GPC5: variants seen among roughly 807,000 people sequenced by gnomAD.
GPC5 encodes the protein glypican-5.
In GPC5, 47 loss-of-function variants were observed where a neutral mutation model predicts 53.9. That is an observed-to-expected ratio of 0.87 (90% CI 0.69 to 1.11). The LOEUF (loss-of-function observed/expected upper bound fraction) is 1.11. Ranked by LOEUF, GPC5 falls within the 50% of genes most tolerant of loss-of-function variation. GPC5 has a pLI of 0.00. For synonymous variants in GPC5, 286 were observed against 263.3 expected (o/e 1.09, Z -0.84); for missense variants, 748 against 713.1 (o/e 1.05, Z -0.56).
chr13:92,004,313 C>T (rs1014861597), intron 6 of GPC5, among the ~76,000 whole-genome samples: 2 of 150,618 alleles, frequency 1.3e-5, no homozygotes, highest in Non-Finnish European at 1.5e-5. Context: ...GATGTGGTGA[C>T]GTGCGCCTGT....
chr13:91,975,834 C>T (rs1014162376), intron 6 of GPC5, among the ~76,000 whole-genome samples: 8 of 152,070 alleles, frequency 5.3e-5, no homozygotes, highest in African/African-American at 7.2e-5. Context: ...ATGTTTATTG[C>T]GGCACTATTC....
At chr13:92,849,675 A>G (rs1036834697) in intron 7 of GPC5, among the ~76,000 whole-genome samples, 3 of 152,222 alleles carry the variant, frequency 2.0e-5, no homozygotes, top group Admixed American at 2.0e-4. Context: ...TCAATGCCCA[A>G]TCCAGTGCTG....
intron 7 of GPC5, among the ~76,000 whole-genome samples, chr13:92,847,525 C>T (rs1161914914): frequency 1.3e-5 from 2 of 152,108 alleles, no homozygotes; most frequent in African/African-American, 4.8e-5. Flanking sequence ...TCTTCCTTCT[C>T]CAGCCATGTA....
chr13:91,950,660 A>T (rs529479088), intron 6 of GPC5, among the ~76,000 whole-genome samples: 1 of 152,234 alleles, frequency 6.6e-6, no homozygotes, highest in Admixed American at 6.5e-5. Flanking sequence ...TTTGTAAGAG[A>T]CTCAGCGCAG....
intron 2 of GPC5, among the ~76,000 whole-genome samples, chr13:91,467,029 C>T (rs1027930817): frequency 2.6e-5 from 4 of 152,090 alleles, no homozygotes; most frequent in African/African-American, 9.7e-5. Context: ...GCTTTACACG[C>T]CTGCATTGAT....
chr13:91,840,903 T>C lies in GPC5; in HGVS notation c.1281-67034T>C, dbSNP rs79251065. 4.6e-3 allele frequency among the ~76,000 whole-genome samples: 698 copies of C among 152,018 alleles called. 3 individuals are homozygous for C. The highest frequency in any genetic ancestry group is 0.016 in the African/African-American group (669 of 41,474). On this transcript the variant is annotated intron_variant, in intron 5 of 7. Coordinates refer to ENST00000377067, the MANE Select transcript of GPC5 (RefSeq NM_004466.6). Reference sequence around the variant, plus strand: ...ACAGTACAATGTGAGTCTAGAAAAATGTGTCTCATTTTTAATGCTTTGTTA... The same window carrying C: ...ACAGTACAATGTGAGTCTAGAAAAACGTGTCTCATTTTTAATGCTTTGTTA...
chr13:92,771,120 A>C (rs1301584669), intron 7 of GPC5, among the ~76,000 whole-genome samples: 4 of 152,078 alleles, frequency 2.6e-5, no homozygotes, highest in Non-Finnish European at 5.9e-5. Flanking sequence ...ATCTCCTGAC[A>C]ACAGAGTGAG....
chr13:92,697,305 C>T (rs776758860), intron 7 of GPC5, among the ~76,000 whole-genome samples: 4 of 152,130 alleles, frequency 2.6e-5, no homozygotes, highest in African/African-American at 4.8e-5. Context: ...GCCATTTTCA[C>T]GATATTGATT....
At chr13:92,201,564 G>A (rs1249903379) in intron 7 of GPC5, among the ~76,000 whole-genome samples, 1 of 152,050 alleles carries the variant, frequency 6.6e-6, no homozygotes, top group African/African-American at 2.4e-5. Flanking sequence ...TCTGAAGAAT[G>A]AACTCCATTC....
chr13:91,729,679 G>T (rs1483391259), intron 4 of GPC5, among the ~76,000 whole-genome samples: 1 of 152,072 alleles, frequency 6.6e-6, no homozygotes, highest in East Asian at 1.9e-4. Flanking sequence ...TATTTTACAT[G>T]TAAAGTAGCT....
chr13:91,444,538 A>G (rs930182487), intron 1 of GPC5, among the ~76,000 whole-genome samples: 1 of 152,176 alleles, frequency 6.6e-6, no homozygotes, highest in Non-Finnish European at 1.5e-5. Context: ...CTTCTGTAAC[A>G]TTGCAGAGCT....
chr13:92,797,589 A>G (rs1415794478), intron 7 of GPC5, among the ~76,000 whole-genome samples: 1 of 151,918 alleles, frequency 6.6e-6, no homozygotes, highest in East Asian at 1.9e-4. Context: ...ACTAAATACA[A>G]ATCTTTAAAT....
At chr13:91,864,193 G>A (rs1018793878) in intron 5 of GPC5, among the ~76,000 whole-genome samples, 1 of 152,208 alleles carries the variant, frequency 6.6e-6, no homozygotes, top group African/African-American at 2.4e-5. Flanking sequence ...GAAAGGTTGA[G>A]CTTAAGTAAT....
chr13:92,631,368 T>G (rs1311505578), intron 7 of GPC5, among the ~76,000 whole-genome samples: 1 of 152,138 alleles, frequency 6.6e-6, no homozygotes, highest in African/African-American at 2.4e-5. Flanking sequence ...TCAATTCAGT[T>G]TAAAATCAGA....
At chr13:92,816,952 C>T (rs1262805618) in intron 7 of GPC5, among the ~76,000 whole-genome samples, 1 of 151,940 alleles carries the variant, frequency 6.6e-6, no homozygotes, top group Non-Finnish European at 1.5e-5. Flanking sequence ...TCAATCTACC[C>T]TCTATAGTGA....
rs78937459 is a variant in GPC5 at position 92,856,337 on chromosome 13, A to C, written c.1562-9945A>C. ...ATAAAAACAGAGTAAGCACTGAAGG[A>C]AAATACCTGTAAAGAAGAGCCGTCT... is the stretch of plus-strand genomic sequence containing the variant. On this transcript the variant is annotated intron_variant, in intron 7 of 7. Coordinates refer to ENST00000377067, the MANE Select transcript of GPC5 (RefSeq NM_004466.6). Among the ~76,000 whole-genome samples, 189 of 152,030 alleles carry C rather than the reference A, an allele frequency of 1.2e-3. 1 individual carries two copies. The highest frequency in any genetic ancestry group is 4.1e-3 in the African/African-American group (171 of 41,542).
chr13:91,963,226 G>A (rs1393252580), intron 6 of GPC5, among the ~76,000 whole-genome samples: 1 of 152,138 alleles, frequency 6.6e-6, no homozygotes, highest in Non-Finnish European at 1.5e-5. Context: ...TGAAGGAATA[G>A]GAATCCTAAT....
chr13:91,542,440 C>T (rs1012784214), intron 2 of GPC5, among the ~76,000 whole-genome samples: 1 of 152,218 alleles, frequency 6.6e-6, no homozygotes, highest in African/African-American at 2.4e-5. Flanking sequence ...TTAGCTGACA[C>T]ACATTTGGTA....
intron 7 of GPC5, among the ~76,000 whole-genome samples, chr13:92,656,189 G>A (rs950690771): frequency 1.3e-5 from 2 of 152,178 alleles, no homozygotes; most frequent in African/African-American, 4.8e-5. Flanking sequence ...AGGGCAGAGT[G>A]GAAGGTAGTT....
Sources: allele counts gnomAD v4.1 joint callset (sites outside exome capture counted in the v4.1 genomes callset), GRCh38; gene constraint gnomAD v4.1.1; transcripts MANE v1.5; gene names NCBI Gene and HGNC (gene_info 2026-07-23, HGNC 2026-07-21).